PPP4R3B: variants seen among roughly 807,000 people sequenced by gnomAD.
The protein encoded by PPP4R3B is protein phosphatase 4 regulatory subunit 3B.
Under a neutral mutation model 95.4 loss-of-function variants are expected in PPP4R3B, and 52 were observed. The observed-to-expected ratio is 0.54, with a 90% confidence interval of 0.44 to 0.69. The LOEUF (loss-of-function observed/expected upper bound fraction) is 0.69, where lower values mean the gene tolerates loss of function less well. Among genes scored for constraint, PPP4R3B ranks in the 30% least tolerant of loss-of-function variants. The probability of loss-of-function intolerance (pLI) is 0.00; values close to 1 mark genes in which losing one functional copy is unlikely to be tolerated. For synonymous variants in PPP4R3B, 407 were observed against 343.9 expected (o/e 1.18, Z -2.03); for missense variants, 1,003 against 1,005.9 (o/e 1.00, Z 0.04).
chr2:55,556,316 C>T (rs570501722), intron 16 of PPP4R3B, among the ~76,000 whole-genome samples: 42 of 152,306 alleles, frequency 2.8e-4, no homozygotes, highest in African/African-American at 9.9e-4. Context: ...TCTGCTGTTA[C>T]TGTCAAGAAG....
chr2:55,606,238 C>G (rs1693370819), intron 2 of PPP4R3B, among the ~76,000 whole-genome samples: 1 of 152,058 alleles, frequency 6.6e-6, no homozygotes, highest in African/African-American at 2.4e-5. Context: ...AAAACACATG[C>G]TAAAATAGAA....
intron 11 of PPP4R3B, among the ~76,000 whole-genome samples, chr2:55,574,701 C>T (rs966645773): frequency 4.6e-5 from 7 of 151,310 alleles, no homozygotes; most frequent in Non-Finnish European, 8.8e-5. Flanking sequence ...TCACGACATT[C>T]TCCTGCCTTA....
chr2:55,600,304 T>C (rs1240351456), intron 3 of PPP4R3B, among the ~76,000 whole-genome samples: 1 of 151,932 alleles, frequency 6.6e-6, no homozygotes, highest in Non-Finnish European at 1.5e-5. Context: ...CGCATGCCTG[T>C]AGTCCCAGCT....
chr2:55,597,494 C>T (rs964755137), intron 4 of PPP4R3B, among the ~76,000 whole-genome samples: 2 of 152,010 alleles, frequency 1.3e-5, no homozygotes, highest in African/African-American at 4.8e-5. Context: ...TGATGGCGGG[C>T]GCCTGTAGTC....
At chr2:55,575,830 T>C (rs1173778695) in intron 11 of PPP4R3B, among the ~76,000 whole-genome samples, 4 of 152,228 alleles carry the variant, frequency 2.6e-5, no homozygotes, top group Admixed American at 6.5e-5. Flanking sequence ...ACTATTTTAT[T>C]TGAGATTATA....
At chr2:55,578,982 A>G (rs1294222549) in intron 9 of PPP4R3B, among the ~76,000 whole-genome samples, 1 of 152,112 alleles carries the variant, frequency 6.6e-6, no homozygotes, top group Non-Finnish European at 1.5e-5. Flanking sequence ...TAATATCTAC[A>G]GTTAAGTTGA....
intron 4 of PPP4R3B, among the ~76,000 whole-genome samples, chr2:55,597,659 G>A (rs1293755901): frequency 3.4e-5 from 3 of 89,246 alleles, no homozygotes; most frequent in East Asian, 4.5e-4. Flanking sequence ...AAACTAGCTC[G>A]GCGTGGAGGC....
chr2:55,571,701 C>T (rs749864748), intron 12 of PPP4R3B, among the ~76,000 whole-genome samples: 3 of 152,234 alleles, frequency 2.0e-5, no homozygotes, highest in Non-Finnish European at 4.4e-5. Flanking sequence ...TTTCAGCTCA[C>T]TGCAACCCCC....
intron 2 of PPP4R3B, among the ~76,000 whole-genome samples, chr2:55,613,981 A>G (rs1318100018): frequency 6.6e-6 from 1 of 152,192 alleles, no homozygotes; most frequent in African/African-American, 2.4e-5. Context: ...TCTAAGGTAT[A>G]GGAAACATCT....
chr2:55,613,373 G>A (rs186187317), intron 2 of PPP4R3B, among the ~76,000 whole-genome samples: 177 of 148,166 alleles, frequency 1.2e-3, no homozygotes, highest in African/African-American at 4.1e-3. Context: ...AAAGCCCAAC[G>A]AAAAAATAAA....
At chr2:55,612,732 C>G (rs1356524757) in intron 2 of PPP4R3B, among the ~76,000 whole-genome samples, 1 of 152,034 alleles carries the variant, frequency 6.6e-6, no homozygotes, top group Non-Finnish European at 1.5e-5. Flanking sequence ...ATCACGAGGT[C>G]AGGAGATCGA....
chr2:55,573,666 C>G lies in PPP4R3B; in HGVS notation c.1718G>C (p.Arg573Thr). ...KNYIMNKDLL[R>T]RVLVLMNSKH... ...TGAATTCATCAAGACCAAGACTCTT[C>G]TTAGCAAGTCCTTGTTCATAATATA... The change falls in exon 12 of 17, where the codon AGA (arginine) becomes ACA (threonine). Residue 573 changes from arginine (R) to threonine (T), a missense_variant. Physicochemically the swap from Arg to Thr is moderately conservative, Grantham distance 71. Around this residue, in one of 3 missense-constraint regions of PPP4R3B, gnomAD observed 695 missense variants for 686.2 expected, o/e 1.01. Transcript: ENST00000616407. The G allele has an allele frequency of 6.5e-7, 1 of 1,545,654 alleles. No homozygotes were observed. Among genetic ancestry groups the G allele is most frequent in the Non-Finnish European group, 8.7e-7 (1 of 1,145,238 alleles).
rs768140956 is a variant in PPP4R3B at position 55,565,005 on chromosome 2, T to C, written c.1972A>G (p.Asn658Asp). 6.2e-7 allele frequency: 1 copy of C among 1,607,912 alleles called. No homozygotes were observed. Among genetic ancestry groups the C allele is most frequent in the South Asian group, 1.1e-5 (1 of 89,854 alleles). Residue 658 changes from asparagine to aspartate, a missense_variant, in exon 14 of 17, where the codon AAC (asparagine) becomes GAC (aspartate). Asn to Asp is a conservative substitution (Grantham distance 23, BLOSUM62 1). Around this residue, in one of 3 missense-constraint regions of PPP4R3B, gnomAD observed 79 missense variants for 124.9 expected, o/e 0.63. Coordinates refer to ENST00000616407, the MANE Select transcript of PPP4R3B (RefSeq NM_001122964.3). ...ATCGATTCAAGTGCTTTATAAAAGTTTTCAACTATATGGGCAGTAAGAGAC... is the reference window on the plus strand; with the variant it reads ...ATCGATTCAAGTGCTTTATAAAAGTCTTCAACTATATGGGCAGTAAGAGAC... ...IKSLTAHIVE[N>D]FYKALESIEY...
intron 12 of PPP4R3B, among the ~76,000 whole-genome samples, chr2:55,569,398 G>T (rs986631283): frequency 1.3e-5 from 2 of 152,174 alleles, no homozygotes; most frequent in Non-Finnish European, 2.9e-5. Context: ...AGGCCCACCT[G>T]CAGTTATCCA....
At chr2:55,596,364 C>G (rs577791952) in intron 4 of PPP4R3B, among the ~76,000 whole-genome samples, 1 of 152,138 alleles carries the variant, frequency 6.6e-6, no homozygotes, top group South Asian at 2.1e-4. Flanking sequence ...AAATCAGATT[C>G]AACAAACGAA....
In PPP4R3B at chr2:55,548,295, CT is replaced by C. The variant is rs1370080509; in HGVS notation, c.*1615del. ...AAATATTTATGGATAATTTTATTGGCTTTTAAAAGATACTGTAAAATTGACA... is the reference window on the plus strand; with the variant it reads ...AAATATTTATGGATAATTTTATTGGCTTTAAAAGATACTGTAAAATTGACA... On this transcript the variant is annotated 3_prime_UTR_variant, in exon 17 of 17. Transcript: ENST00000616407. 1.3e-5 allele frequency: 2 copies of C among 152,472 alleles called. No homozygotes were observed. Among genetic ancestry groups the C allele is most frequent in the African/African-American group, 4.8e-5 (2 of 41,394 alleles). The allele number at this position is 152,472 out of a possible 1,614,324, so 9.4% of individuals were successfully genotyped here.
chr2:55,593,664 G>C (rs113361650), intron 4 of PPP4R3B, among the ~76,000 whole-genome samples: 19 of 152,238 alleles, frequency 1.2e-4, no homozygotes, highest in African/African-American at 4.6e-4. Context: ...CCAACACTTT[G>C]GAAGGCTGGG....
At chr2:55,570,182 G>A (rs1433263008) in intron 12 of PPP4R3B, among the ~76,000 whole-genome samples, 2 of 152,122 alleles carry the variant, frequency 1.3e-5, no homozygotes, top group Non-Finnish European at 2.9e-5. Context: ...CCCTGGAGGT[G>A]GAGGTTGCAG....
intron 2 of PPP4R3B, among the ~76,000 whole-genome samples, chr2:55,610,529 T>G (rs942861291): frequency 1.3e-5 from 2 of 152,234 alleles, no homozygotes; most frequent in Non-Finnish European, 2.9e-5. Context: ...GAAGTTTTTC[T>G]TAATGATTCC....
Sources: gnomAD v4.1 joint callset for allele counts (sites outside exome capture counted in the v4.1 genomes callset) on GRCh38, gnomAD v4.1.1 for gene constraint, gnomAD v4.1.1 regional missense constraint, MANE v1.5 for transcripts, NCBI Gene and HGNC (gene_info 2026-07-23, HGNC 2026-07-21) for gene names.